The following DHRS9 variants were observed in gnomAD, a reference collection of about 807,000 sequenced individuals.
The protein encoded by DHRS9 is dehydrogenase/reductase SDR family member 9.
Under a neutral mutation model 26.6 loss-of-function variants are expected in DHRS9, and 18 were observed. The ratio of observed to expected loss-of-function variants is 0.68; its 90% CI spans 0.47 to 1.00. The LOEUF (loss-of-function observed/expected upper bound fraction) is 1.00. Ranked by LOEUF, DHRS9 falls within the 50% of genes least tolerant of loss-of-function variation. DHRS9 has a pLI of 0.00. For synonymous variants in DHRS9, 134 were observed against 141.1 expected, an observed-to-expected ratio of 0.95 and a Z score of 0.36; for missense variants, 425 against 378.7, an observed-to-expected ratio of 1.12 and a Z score of -1.01.
In DHRS9 at chr2:169,095,609, A is replaced by T. The variant is rs776183279; in HGVS notation, c.802A>T (p.Met268Leu). The T allele has an allele frequency of 6.2e-7, 1 of 1,613,816 alleles. No homozygotes were observed. The highest frequency in any genetic ancestry group is 1.1e-5 in the South Asian group (1 of 91,082). The change falls in exon 5 of 5, where the codon ATG (methionine) becomes TTG (leucine). Residue 268 changes from methionine to leucine, a missense_variant. Coordinates refer to ENST00000674881, the MANE Select transcript of DHRS9 (RefSeq NM_001376924.1). Reference protein sequence around the residue: ...NMDLSPVVECMDHALTSLFPK... With the variant: ...NMDLSPVVECLDHALTSLFPK... ...GGACCTCTCTCCGGTGGTAGAGTGCATGGACCACGCTCTAACAAGTCTCTT... is the reference window on the plus strand; with the variant it reads ...GGACCTCTCTCCGGTGGTAGAGTGCTTGGACCACGCTCTAACAAGTCTCTT...
At chr2:169,087,706 T>C (rs2105298187) in intron 3 of DHRS9, among the ~76,000 whole-genome samples, 1 of 152,240 alleles carries the variant, frequency 6.6e-6, no homozygotes, top group East Asian at 1.9e-4. Context: ...CAGCAGGTAA[T>C]GAATTTTGCT....
intron 4 of DHRS9, among the ~76,000 whole-genome samples, chr2:169,093,444 T>C (rs530075644): frequency 6.6e-6 from 1 of 152,172 alleles, no homozygotes; most frequent in African/African-American, 2.4e-5. Context: ...CATGCCACTA[T>C]AGGTTTAGAG....
rs749827246 is a variant in DHRS9 at position 169,095,914 on chromosome 2, G to A, written c.*147G>A. ...GATTGCAAAAGGGAGTCCCACCATC[G>A]CTGGTGGTATCCCAGGGTCCCTGCT... is the stretch of plus-strand genomic sequence containing the variant. On this transcript the variant is annotated 3_prime_UTR_variant, in exon 5 of 5. Transcript: ENST00000674881. The A allele has an allele frequency of 2.9e-5, 21 of 728,912 alleles. No homozygotes were observed. The highest frequency in any genetic ancestry group is 1.8e-4 in the African/African-American group (10 of 55,964). 45.2% of individuals were successfully genotyped at this position (728,912 alleles called of 1,614,324 possible). A position where few individuals can be genotyped will look rare whatever the true frequency, so the allele number is the denominator to read the frequency against.
intron 1 of DHRS9, among the ~76,000 whole-genome samples, chr2:169,078,109 C>A (rs1231391621): frequency 6.6e-6 from 1 of 152,226 alleles, no homozygotes; most frequent in East Asian, 1.9e-4. Context: ...TGGAAGGACA[C>A]AGCACTCTAG....
intron 3 of DHRS9, among the ~76,000 whole-genome samples, chr2:169,088,156 A>G (rs905239856): frequency 6.6e-6 from 1 of 152,190 alleles, no homozygotes; most frequent in African/African-American, 2.4e-5. Context: ...GCTGGCACTC[A>G]GGTTCCAGCT....
intron 3 of DHRS9, among the ~76,000 whole-genome samples, chr2:169,084,198 C>G (rs905791376): frequency 6.6e-6 from 1 of 152,088 alleles, no homozygotes; most frequent in Non-Finnish European, 1.5e-5. Flanking sequence ...CAATAGTACT[C>G]CATTGTATAT....
chr2:169,092,004 G>A (rs188246374), intron 4 of DHRS9, 51 bp downstream of exon 4: 2 of 1,566,358 alleles, frequency 1.3e-6, no homozygotes, highest in Non-Finnish European at 1.7e-6. Context: ...GTCCTGAACA[G>A]CATGAAGGAG....
intron 1 of DHRS9, among the ~76,000 whole-genome samples, chr2:169,072,080 A>G (rs1279636738): frequency 6.6e-6 from 1 of 151,982 alleles, no homozygotes; most frequent in Non-Finnish European, 1.5e-5. Flanking sequence ...GGAAAAAATG[A>G]AAAAGGAATG....
In DHRS9 at chr2:169,088,594, C is replaced by T. The variant is rs1684424747; in HGVS notation, c.573-3196C>T. Among the ~76,000 whole-genome samples the T allele has an allele frequency of 2.6e-5, 4 of 152,284 alleles. No individual in the cohort carries two copies. In the South Asian group the frequency reaches 8.3e-4, roughly 32 times the overall value. On this transcript the variant is annotated intron_variant, in intron 3 of 4. Coordinates refer to ENST00000674881, the MANE Select transcript of DHRS9 (RefSeq NM_001376924.1). ...TTGGCCATCCTGCTCCACCTCTACC[C>T]TATTTAGTACTTTAAGTTATTCCCA...
chr2:169,093,338 A>ACACACACG (rs898545640), intron 4 of DHRS9, among the ~76,000 whole-genome samples: 2 of 151,412 alleles, frequency 1.3e-5, no homozygotes, highest in African/African-American at 4.9e-5. Flanking sequence ...CTAAACACAC[A>ACACACACG]CACACGCACA....
Position 169,083,443 on chromosome 2 carries a change from G to T in DHRS9, c.428G>T (p.Ser143Ile), listed in dbSNP as rs1443637273. ...GAAGTGAACCTGTTTGGACTCATCA[G>T]TGTGACACTAAATATGCTTCCTTTG... is the stretch of plus-strand genomic sequence containing the variant. ...PIEVNLFGLI[S>I]VTLNMLPLVK... The change falls in exon 3 of 5, where the codon AGT becomes ATT. Residue 143 changes from serine to isoleucine, a missense_variant. Transcript: ENST00000674881. The T allele has an allele frequency of 1.9e-6, 3 of 1,614,106 alleles. No individual in the cohort carries two copies. The highest frequency in any genetic ancestry group is 2.2e-5 in the South Asian group (2 of 91,084).
intron 1 of DHRS9, 110 bp downstream of exon 1, chr2:169,069,827 T>C (rs1683746770): frequency 1.1e-6 from 1 of 914,650 alleles, no homozygotes; most frequent in Admixed American, 6.2e-5. Flanking sequence ...CAAGCTGTGG[T>C]CAATGTTGCT....
At chr2:169,085,846 AT>A (rs1318689538) in intron 3 of DHRS9, among the ~76,000 whole-genome samples, 1 of 152,122 alleles carries the variant, frequency 6.6e-6, no homozygotes, top group Non-Finnish European at 1.5e-5. Flanking sequence ...TCCTTTCCAA[AT>A]TGGGTTGGAG....
upstream of DHRS9, chr2:169,067,304 T>C: frequency 6.5e-7 from 1 of 1,533,276 alleles, no homozygotes; most frequent in South Asian, 1.2e-5. Context: ...CATCTTAGAA[T>C]GATCTGTGAC....
rs762006662 is a variant in DHRS9 at position 169,091,835 on chromosome 2, A to G, written c.618A>G (p.Pro206=). Residue 206 remains proline (P), a synonymous_variant, in exon 4 of 5, where the codon CCA becomes CCG. Transcript: ENST00000674881. ...AFGVHVSCIE[P]GLFKTNLADP... ...GTGTGCACGTCTCATGCATTGAACC[A>G]GGATTGTTCAAAACAAACTTGGCAG... The G allele has an allele frequency of 6.2e-7, 1 of 1,614,106 alleles. No homozygotes were observed. The highest frequency in any genetic ancestry group is 1.7e-5 in the Admixed American group (1 of 60,004).
At chr2:169,091,033 GT>G (rs1199298558) in intron 3 of DHRS9, among the ~76,000 whole-genome samples, 2 of 152,088 alleles carry the variant, frequency 1.3e-5, no homozygotes, top group African/African-American at 4.8e-5. Flanking sequence ...AAGCCATGAT[GT>G]TTGACAGGTT....
intron 4 of DHRS9, among the ~76,000 whole-genome samples, chr2:169,092,924 T>G (rs145545896): frequency 1.3e-5 from 2 of 152,236 alleles, no homozygotes; most frequent in African/African-American, 4.8e-5. Flanking sequence ...CTTACCAAAA[T>G]TGTACCACCA....
intron 2 of DHRS9, 73 bp downstream of exon 2, chr2:169,081,967 T>G: frequency 7.0e-7 from 1 of 1,433,846 alleles, no homozygotes; most frequent in Non-Finnish European, 9.4e-7. Context: ...AAATAAAACA[T>G]GCTCAAGTTT....
rs767003384 is a variant in DHRS9, at chr2:169,091,961, T to C, written c.736+8T>C. 1 of 1,612,974 alleles carries C rather than the reference T, an allele frequency of 6.2e-7. No homozygotes were observed. The highest frequency in any genetic ancestry group is 2.2e-5 in the East Asian group (1 of 44,802). ...AAGGTTACATTGAAAAAAGTGAGTTTCCGGGCGGTGCCAATGTCCTCTAGA... is the reference window on the plus strand; with the variant it reads ...AAGGTTACATTGAAAAAAGTGAGTTCCCGGGCGGTGCCAATGTCCTCTAGA... On this transcript the variant is annotated splice_region_variant and intron_variant, in intron 4 of 4. Coordinates refer to ENST00000674881, the MANE Select transcript of DHRS9 (RefSeq NM_001376924.1).
Sources: gnomAD v4.1 joint callset for allele counts (sites outside exome capture counted in the v4.1 genomes callset) on GRCh38, gnomAD v4.1.1 for gene constraint, MANE v1.5 for transcripts, NCBI Gene and HGNC (gene_info 2026-07-23, HGNC 2026-07-21) for gene names.